BABAM2: variants seen among roughly 807,000 people sequenced by gnomAD.
The protein encoded by BABAM2 is BRISC and BRCA1-A complex member 2.
BABAM2 carries 31 observed loss-of-function variants against 54.7 expected under a neutral mutation model. That is an observed-to-expected ratio of 0.57 (90% CI 0.43 to 0.77). The LOEUF (loss-of-function observed/expected upper bound fraction) is 0.77, where lower values mean the gene tolerates loss of function less well. Ranked by LOEUF, BABAM2 falls within the 30% of genes least tolerant of loss-of-function variation. The pLI is 0.00. For synonymous variants in BABAM2, 167 were observed against 162.9 expected, an observed-to-expected ratio of 1.03 and a Z score of -0.19; for missense variants, 364 against 455.8, an observed-to-expected ratio of 0.80 and a Z score of 1.83.
At chr2:27,892,657 A>G (rs1221638197) in intron 1 of BABAM2, among the ~76,000 whole-genome samples, 1 of 152,216 alleles carries the variant, frequency 6.6e-6, no homozygotes, top group African/African-American at 2.4e-5. Flanking sequence ...ACTGGGAATT[A>G]AAATTCCTTA....
intron 11 of BABAM2, chr2:28,327,196 AT>A: frequency 6.8e-7 from 1 of 1,469,094 alleles, no homozygotes; most frequent in Non-Finnish European, 9.2e-7. Flanking sequence ...TCAGGAGCCC[AT>A]TAGGACTACC....
chr2:28,299,785 C>T (rs755001174), intron 11 of BABAM2, among the ~76,000 whole-genome samples: 1 of 152,102 alleles, frequency 6.6e-6, no homozygotes, highest in Non-Finnish European at 1.5e-5. Flanking sequence ...TCTTGATTAG[C>T]CATGACTAAT....
chr2:28,175,818 A>G (rs548775361), intron 7 of BABAM2, among the ~76,000 whole-genome samples: 31 of 152,246 alleles, frequency 2.0e-4, no homozygotes, highest in African/African-American at 7.5e-4. Flanking sequence ...GCACTCATAC[A>G]CTGCCCAGGG....
At chr2:28,189,008 C>G (rs1676616787) in intron 7 of BABAM2, among the ~76,000 whole-genome samples, 1 of 152,126 alleles carries the variant, frequency 6.6e-6, no homozygotes, top group South Asian at 2.1e-4. Context: ...CGAGACCAGC[C>G]TGGCCAACAT....
At chr2:28,000,601 A>C (rs1469519641) in intron 4 of BABAM2, among the ~76,000 whole-genome samples, 1 of 152,170 alleles carries the variant, frequency 6.6e-6, no homozygotes, top group Non-Finnish European at 1.5e-5. Context: ...ACTGTGTGCA[A>C]CCCACAGAAG....
At chr2:28,184,947 T>G (rs1676123084) in intron 7 of BABAM2, among the ~76,000 whole-genome samples, 1 of 152,198 alleles carries the variant, frequency 6.6e-6, no homozygotes, top group Non-Finnish European at 1.5e-5. Context: ...ATCTTGATAA[T>G]TTTTTTCTTG....
intron 6 of BABAM2, among the ~76,000 whole-genome samples, chr2:28,046,923 T>C (rs1190057748): frequency 6.6e-6 from 1 of 151,910 alleles, no homozygotes; most frequent in East Asian, 1.9e-4. Flanking sequence ...CGTGCACCAC[T>C]GTGCCAAGCT....
intron 2 of BABAM2, among the ~76,000 whole-genome samples, chr2:27,915,540 C>G (rs1236485294): frequency 6.6e-6 from 1 of 152,218 alleles, no homozygotes; most frequent in Non-Finnish European, 1.5e-5. Flanking sequence ...GAACGAAATC[C>G]TTTCAAACTA....
chr2:28,268,744 G>A (rs1474648634), intron 10 of BABAM2, among the ~76,000 whole-genome samples: 2 of 152,146 alleles, frequency 1.3e-5, no homozygotes, highest in Non-Finnish European at 2.9e-5. Context: ...CAGCCCTCGT[G>A]CCCTGGTCTT....
intron 7 of BABAM2, among the ~76,000 whole-genome samples, chr2:28,214,185 G>A (rs1679728538): frequency 6.6e-6 from 1 of 152,096 alleles, no homozygotes; most frequent in Admixed American, 6.5e-5. Flanking sequence ...ATATGTGTGT[G>A]TGTGTGTAGC....
chr2:28,262,055 C>T (rs72784767), intron 10 of BABAM2, among the ~76,000 whole-genome samples: 6,652 of 152,156 alleles, frequency 0.044, 234 homozygotes, highest in South Asian at 0.12. Flanking sequence ...TACAGTGAAG[C>T]GTCACCCAAC....
At chr2:28,193,296 A>G (rs1677136377) in intron 7 of BABAM2, among the ~76,000 whole-genome samples, 1 of 151,540 alleles carries the variant, frequency 6.6e-6, no homozygotes, top group Non-Finnish European at 1.5e-5. Flanking sequence ...GCACTCTTGA[A>G]CCTCTACATT....
intron 7 of BABAM2, among the ~76,000 whole-genome samples, chr2:28,144,708 C>G (rs1671347516): frequency 6.6e-6 from 1 of 152,224 alleles, no homozygotes; most frequent in Admixed American, 6.5e-5. Context: ...AATCCAGAAG[C>G]CACGACACTG....
intron 10 of BABAM2, among the ~76,000 whole-genome samples, chr2:28,267,607 G>A (rs1055694752): frequency 1.3e-5 from 2 of 152,202 alleles, no homozygotes; most frequent in Non-Finnish European, 2.9e-5. Context: ...ATGAAAGGAG[G>A]ACTCTGCTTC....
At chr2:28,137,353 G>A (rs1271660365) in intron 7 of BABAM2, among the ~76,000 whole-genome samples, 1 of 152,156 alleles carries the variant, frequency 6.6e-6, no homozygotes, top group African/African-American at 2.4e-5. Context: ...CCAGCTCTCA[G>A]GAGAAGATAT....
At chr2:28,183,612 C>G (rs1189359667) in intron 7 of BABAM2, among the ~76,000 whole-genome samples, 1 of 152,106 alleles carries the variant, frequency 6.6e-6, no homozygotes, top group African/African-American at 2.4e-5. Context: ...TAGACTCCCC[C>G]ATCACTGGTT....
rs141253999 is a variant in BABAM2 at position 28,162,577 on chromosome 2, C to T, written c.680+33197C>T. ...CTTCCTAGCTCAGCCAACCCTGCAC[C>T]GGGCTTCTTCCTAAGTGCTGTTATG... is the stretch of plus-strand genomic sequence containing the variant. On this transcript the variant is annotated intron_variant, in intron 7 of 11. Transcript: ENST00000379624. Among the ~76,000 whole-genome samples, 662 of 152,304 alleles carry T rather than the reference C, an allele frequency of 4.3e-3. 1 individual carries two copies. Among genetic ancestry groups the T allele is most frequent in the African/African-American group, 0.015 (634 of 41,568 alleles).
intron 7 of BABAM2, among the ~76,000 whole-genome samples, chr2:28,144,025 G>T (rs1671289901): frequency 1.3e-5 from 2 of 152,188 alleles, no homozygotes; most frequent in Admixed American, 1.3e-4. Context: ...GGTAACATTT[G>T]GGTTTGAGCC....
intron 6 of BABAM2, among the ~76,000 whole-genome samples, chr2:28,087,337 C>T (rs1310578973): frequency 6.6e-6 from 1 of 152,106 alleles, no homozygotes; most frequent in Non-Finnish European, 1.5e-5. Flanking sequence ...TTCATGGACT[C>T]ATCAGAGAAC....
Sources: gnomAD v4.1 joint callset for allele counts (sites outside exome capture counted in the v4.1 genomes callset) on GRCh38, gnomAD v4.1.1 for gene constraint, MANE v1.5 for transcripts, NCBI Gene and HGNC (gene_info 2026-07-23, HGNC 2026-07-21) for gene names.